Variants in PCNX1 observed in about 807,000 individuals in gnomAD.
PCNX1 encodes pecanex-like protein 1.
In PCNX1, 78 loss-of-function variants were observed where a neutral mutation model predicts 242.2. The observed-to-expected ratio is 0.32, with a 90% CI of 0.27 to 0.39. The LOEUF (loss-of-function observed/expected upper bound fraction) is 0.39. PCNX1 is among the 10% of genes least tolerant of loss of function. The pLI is 1.00. For missense variants in PCNX1, 2,581 were observed against 2,856.5 expected (o/e 0.90, Z 2.20); for synonymous variants, 1,024 against 1,032.9 (o/e 0.99, Z 0.17).
chr14:70,978,300 G>C lies in PCNX1; in HGVS notation c.1963G>C (p.Asp655His). The stretch of plus-strand genomic sequence containing the variant: ...ACACACTCATAAAGAAAGGGGCACA[G>C]ACTCTGAACACACACACAAAGCTCA... ...TKHTHKERGT[D>H]SEHTHKAHLV... is the part of the protein sequence containing the mutation. Residue 655 changes from aspartate to histidine, a missense_variant, in exon 6 of 36, where the codon GAC (aspartate) becomes CAC (histidine). Physicochemically the swap from Asp to His is moderately conservative, Grantham distance 81. This residue lies in a region of PCNX1 where 1,204 missense variants were observed against 1,216.7 expected (regional missense o/e 0.99). Transcript: ENST00000304743. The C allele has an allele frequency of 6.2e-7, 1 of 1,614,160 alleles. No individual in the cohort carries two copies. Among genetic ancestry groups the C allele is most frequent in the Non-Finnish European group, 8.5e-7 (1 of 1,180,028 alleles).
At chr14:70,914,931 AC>A (rs886930792) in intron 1 of PCNX1, among the ~76,000 whole-genome samples, 2 of 151,936 alleles carry the variant, frequency 1.3e-5, no homozygotes, top group African/African-American at 4.8e-5. Context: ...TTTCTGCTTG[AC>A]CTTCTGAGTC....
At chr14:70,959,638 A>G (rs1334298697) in intron 2 of PCNX1, among the ~76,000 whole-genome samples, 2 of 150,950 alleles carry the variant, frequency 1.3e-5, no homozygotes, top group African/African-American at 4.9e-5. Context: ...ATTGTTGGAC[A>G]TTTGGGTTGG....
chr14:70,918,507 A>G (rs76389539), intron 1 of PCNX1, among the ~76,000 whole-genome samples: 2,490 of 152,344 alleles, frequency 0.016, 30 homozygotes, highest in Middle Eastern at 0.085. Flanking sequence ...TGTAACAGAT[A>G]TAGTAAAGAA....
intron 7 of PCNX1, among the ~76,000 whole-genome samples, chr14:70,994,426 T>TATATATAGATATAG (rs1387360991): frequency 1.7e-5 from 2 of 114,984 alleles, no homozygotes; most frequent in Non-Finnish European, 3.7e-5. Context: ...TATATATATA[T>TATATATAGATATAG]ATATGTATGT....
intron 26 of PCNX1, among the ~76,000 whole-genome samples, chr14:71,070,917 T>C (rs966795285): frequency 2.6e-5 from 4 of 152,204 alleles, no homozygotes; most frequent in Non-Finnish European, 4.4e-5. Flanking sequence ...CGTGTAAGGA[T>C]GTTTAGTCTA....
chr14:70,953,560 T>A (rs73293806), intron 2 of PCNX1, among the ~76,000 whole-genome samples: 2,181 of 151,852 alleles, frequency 0.014, 46 homozygotes, highest in African/African-American at 0.05. Context: ...GTCATTTTGC[T>A]TTCCTTAAAG....
chr14:70,927,051 A>C (rs756081588), intron 1 of PCNX1, among the ~76,000 whole-genome samples: 6 of 152,212 alleles, frequency 3.9e-5, no homozygotes, highest in Non-Finnish European at 8.8e-5. Context: ...TTCTCCTTTA[A>C]AATTAAGATA....
chr14:71,102,011 G>C lies in PCNX1; in HGVS notation c.5611G>C (p.Glu1871Gln). The part of the protein sequence containing the change: ...LHQDHFTSPD[E>Q]YDDPTVLYEA... ...TTAGGATCATTTTACTTCTCCAGAT[G>C]AATATGATGACCCTACTGTGCTCTA... The change falls in exon 31 of 36, where the codon GAA (glutamate) becomes CAA (glutamine). Residue 1871 changes from glutamate to glutamine, a missense_variant. Around this residue, in one of 9 missense-constraint regions of PCNX1, gnomAD observed 298 missense variants for 480.1 expected, o/e 0.62. Coordinates refer to ENST00000304743, the MANE Select transcript of PCNX1 (RefSeq NM_014982.3). 1 of 1,595,936 alleles carries C rather than the reference G, an allele frequency of 6.3e-7. No homozygotes were observed. The highest frequency in any genetic ancestry group is 8.6e-7 in the Non-Finnish European group (1 of 1,168,210).
chr14:71,048,017 A>AT (rs2060913313), intron 22 of PCNX1, 33 bp downstream of exon 22: 3 of 1,497,454 alleles, frequency 2.0e-6, no homozygotes, highest in African/African-American at 2.8e-5. Context: ...ATCCTTATCT[A>AT]TAAAAACTAT....
chr14:71,039,245 A>C (rs940091099), intron 19 of PCNX1, among the ~76,000 whole-genome samples: 17 of 151,916 alleles, frequency 1.1e-4, no homozygotes, highest in Admixed American at 1.1e-3. Context: ...TTAAAAAAAC[A>C]AAAAAAACCA....
intron 7 of PCNX1, 116 bp downstream of exon 7, chr14:70,988,815 T>C: frequency 7.7e-7 from 1 of 1,301,772 alleles, no homozygotes; most frequent in Middle Eastern, 1.9e-4. Context: ...TTTCTGTTTC[T>C]TTCCTATACA....
At chr14:71,045,324 G>T in intron 20 of PCNX1, 41 bp downstream of exon 20, 1 of 1,407,952 alleles carries the variant, frequency 7.1e-7, no homozygotes, top group Non-Finnish European at 9.8e-7. Context: ...AATACTATGA[G>T]TTTTTCCCTT....
intron 3 of PCNX1, among the ~76,000 whole-genome samples, chr14:70,966,693 T>C (rs1413917801): frequency 6.6e-6 from 1 of 152,232 alleles, no homozygotes; most frequent in Non-Finnish European, 1.5e-5. Context: ...TACTTTGAGC[T>C]TCTGAGCAAA....
intron 30 of PCNX1, among the ~76,000 whole-genome samples, chr14:71,098,514 G>GTA (rs1356252224): frequency 9.9e-6 from 1 of 100,522 alleles, no homozygotes. Flanking sequence ...GTATTCGTGT[G>GTA]TGTGTGTGTG....
intron 5 of PCNX1, 98 bp downstream of exon 5, chr14:70,969,208 T>G (rs976733442): frequency 2.8e-6 from 2 of 723,122 alleles, no homozygotes; most frequent in African/African-American, 3.5e-5. Context: ...TTTATAACAA[T>G]TTAATATGAT....
At position 70,995,907 on chromosome 14, in the gene PCNX1, A is replaced by G. The variant is rs768241535; in HGVS notation, c.2611A>G (p.Ser871Gly). Reference protein sequence around the residue: ...HDNASAVGGSSLHDELGKFSS... With the variant: ...HDNASAVGGSGLHDELGKFSS... ...CAATGCATCTGCTGTAGGCGGTAGCAGTTTGCACGATGAACTTGGTATGCA... is the reference window on the plus strand; with the variant it reads ...CAATGCATCTGCTGTAGGCGGTAGCGGTTTGCACGATGAACTTGGTATGCA... Residue 871 changes from serine (S) to glycine (G), a missense_variant, in exon 8 of 36, where the codon AGT becomes GGT. Ser to Gly is a moderately conservative substitution (Grantham distance 56, BLOSUM62 0). Around this residue, in one of 9 missense-constraint regions of PCNX1, gnomAD observed 1,204 missense variants for 1,216.7 expected, o/e 0.99. Transcript: ENST00000304743. 1.2e-6 allele frequency: 2 copies of G among 1,613,932 alleles called. No individual in the cohort carries two copies. Among genetic ancestry groups the G allele is most frequent in the East Asian group, 4.5e-5 (2 of 44,884 alleles).
At position 70,907,955 on chromosome 14, in the gene PCNX1, C is replaced by T. The variant is rs566932318; in HGVS notation, c.105C>T (p.His35=). 20 of 1,598,156 alleles carry T rather than the reference C, an allele frequency of 1.3e-5. No individual in the cohort carries two copies. The South Asian group carries it at 1.6e-4, about 13-fold the overall frequency. The change falls in exon 1 of 36, where the codon CAC becomes CAT. Residue 35 remains histidine, a synonymous_variant. Coordinates refer to ENST00000304743, the MANE Select transcript of PCNX1 (RefSeq NM_014982.3). ...AGGCCACCTTCGTGAACGCGCTGCACCTCTACCTGTGGCTCTTTCTGCTGG... is the reference window on the plus strand; with the variant it reads ...AGGCCACCTTCGTGAACGCGCTGCATCTCTACCTGTGGCTCTTTCTGCTGG... ...PHQATFVNAL[H]LYLWLFLLGL...
chr14:71,003,199 T>G (rs1209560375), intron 8 of PCNX1, among the ~76,000 whole-genome samples: 4 of 149,226 alleles, frequency 2.7e-5, no homozygotes, highest in African/African-American at 4.9e-5. Flanking sequence ...TTCTCCTACC[T>G]CAGCCCCGCA....
At chr14:70,908,075 C>T in intron 1 of PCNX1, 72 bp downstream of exon 1, 2 of 1,410,062 alleles carry the variant, frequency 1.4e-6, no homozygotes, top group South Asian at 2.8e-5. Flanking sequence ...GTCGCGCCCT[C>T]TTCCTCTTCC....
Sources: gnomAD v4.1 joint callset for allele counts (sites outside exome capture counted in the v4.1 genomes callset) on GRCh38, gnomAD v4.1.1 for gene constraint, gnomAD v4.1.1 regional missense constraint, MANE v1.5 for transcripts, NCBI Gene and HGNC (gene_info 2026-07-23, HGNC 2026-07-21) for gene names.